Variants in IGF2BP2 observed in about 807,000 individuals in gnomAD.
IGF2BP2 encodes the protein insulin like growth factor 2 mRNA binding protein 2.
IGF2BP2 carries 17 observed loss-of-function variants against 75.8 expected under a neutral mutation model. That is an observed-to-expected ratio of 0.22 (90% CI 0.15 to 0.34). IGF2BP2 has a LOEUF of 0.34. Ranked by LOEUF, IGF2BP2 falls within the 10% of genes least tolerant of loss-of-function variation. The probability of loss-of-function intolerance (pLI) is 1.00; values close to 1 mark genes in which losing one functional copy is unlikely to be tolerated. For missense variants in IGF2BP2, 516 were observed against 772.4 expected (o/e 0.67, Z 3.93); for synonymous variants, 288 against 295.6 (o/e 0.97, Z 0.26).
intron 2 of IGF2BP2, among the ~76,000 whole-genome samples, chr3:185,782,645 T>C (rs541008649): frequency 6.6e-6 from 1 of 152,288 alleles, no homozygotes; most frequent in East Asian, 1.9e-4. Flanking sequence ...TTTTATTCCA[T>C]CACTGGGAGC....
chr3:185,679,367 A>T (rs1402570205), intron 7 of IGF2BP2, among the ~76,000 whole-genome samples: 1 of 152,130 alleles, frequency 6.6e-6, no homozygotes, highest in Non-Finnish European at 1.5e-5. Context: ...TCAATTGCAT[A>T]AAAAACTCTA....
intron 2 of IGF2BP2, among the ~76,000 whole-genome samples, chr3:185,795,483 C>T (rs1737239914): frequency 6.6e-6 from 1 of 152,214 alleles, no homozygotes; most frequent in Non-Finnish European, 1.5e-5. Flanking sequence ...TTTGGGCACA[C>T]ACCTGGCAGT....
intron 2 of IGF2BP2, among the ~76,000 whole-genome samples, chr3:185,771,375 A>AG (rs11376810): frequency 1 from 151,479 of 151,484 alleles, 75,737 homozygotes; most frequent in Middle Eastern, 1. Flanking sequence ...TGGGAGGTGG[A>AG]GTTGCAGTGG....
chr3:185,690,982 G>T (rs6770227), intron 5 of IGF2BP2, among the ~76,000 whole-genome samples: 2 of 152,088 alleles, frequency 1.3e-5, no homozygotes, highest in Non-Finnish European at 2.9e-5. Context: ...ATATCATGTA[G>T]AGAGGTCCAC....
rs1203807297 is a variant in IGF2BP2, at chr3:185,692,765, A to T, written c.341-3T>A. The T allele has an allele frequency of 2.5e-6, 4 of 1,613,704 alleles. No individual in the cohort carries two copies. The highest frequency in any genetic ancestry group is 3.4e-6 in the Non-Finnish European group (4 of 1,179,832). ...GGCGGTTTCTGTGTCTGTGTTGACT[A>T]GGGAAAAGGCAAAAACTACACTGTC... On this transcript the variant is annotated splice_polypyrimidine_tract_variant and splice_region_variant and intron_variant, in intron 4 of 15. Transcript: ENST00000382199.
rs886172502 is a variant in IGF2BP2, at chr3:185,644,392, C to G, written c.*1139G>C. 1 of 152,218 alleles carries G rather than the reference C, an allele frequency of 6.6e-6. No homozygotes were observed. The highest frequency in any genetic ancestry group is 1.9e-4 in the East Asian group (1 of 5,184). The allele number at this position is 152,218 out of a possible 1,614,324, so 9.4% of individuals were successfully genotyped here. A position where few individuals can be genotyped will look rare whatever the true frequency, so the allele number is the denominator to read the frequency against. On this transcript the variant is annotated 3_prime_UTR_variant, in exon 16 of 16. Coordinates refer to ENST00000382199, the MANE Select transcript of IGF2BP2 (RefSeq NM_006548.6). ...CACCAAAATGCAAAAAGACAAAATA[C>G]ATTCTTTCATTGTGGAATTTTTTCT...
At chr3:185,785,876 T>C (rs1363898726) in intron 2 of IGF2BP2, among the ~76,000 whole-genome samples, 2 of 152,168 alleles carry the variant, frequency 1.3e-5, no homozygotes, top group African/African-American at 2.4e-5. Context: ...CTAGACTGAA[T>C]TGGTCATTAA....
chr3:185,796,631 AAAAGAG>A (rs1170771606), intron 2 of IGF2BP2, among the ~76,000 whole-genome samples: 1 of 141,822 alleles, frequency 7.1e-6, no homozygotes, highest in African/African-American at 2.7e-5. Flanking sequence ...AAAAAAAAAA[AAAAGAG>A]AGAGAGACTA....
intron 2 of IGF2BP2, among the ~76,000 whole-genome samples, chr3:185,728,072 T>C (rs1241192131): frequency 2.0e-5 from 3 of 152,208 alleles, no homozygotes; most frequent in African/African-American, 7.2e-5. Context: ...GAGGGGCACT[T>C]CCGTTACGTA....
At chr3:185,692,821 A>C in intron 4 of IGF2BP2, 59 bp from the exon 5 acceptor site, 1 of 1,477,628 alleles carries the variant, frequency 6.8e-7, no homozygotes. Flanking sequence ...CCTCTGGCTT[A>C]ATGTAAACAG....
chr3:185,719,574 C>T (rs895452456), intron 2 of IGF2BP2, among the ~76,000 whole-genome samples: 4 of 152,176 alleles, frequency 2.6e-5, no homozygotes, highest in Non-Finnish European at 4.4e-5. Flanking sequence ...TGGCTCACGC[C>T]CGTAATCCCA....
chr3:185,823,065 C>G (rs1030595140), intron 2 of IGF2BP2, 88 bp downstream of exon 2: 1 of 786,090 alleles, frequency 1.3e-6, no homozygotes, highest in African/African-American at 1.8e-5. Flanking sequence ...TAAAAACTAC[C>G]AAGAGCACGT....
intron 2 of IGF2BP2, among the ~76,000 whole-genome samples, chr3:185,760,619 G>A (rs1218524917): frequency 6.6e-6 from 1 of 152,074 alleles, no homozygotes; most frequent in South Asian, 2.1e-4. Context: ...TTGCCTTTCC[G>A]GACATTCTTA....
At chr3:185,820,707 C>T (rs1417321371) in intron 2 of IGF2BP2, among the ~76,000 whole-genome samples, 1 of 152,104 alleles carries the variant, frequency 6.6e-6, no homozygotes, top group Non-Finnish European at 1.5e-5. Flanking sequence ...TCCTCCCAAA[C>T]TATCATTAAC....
intron 10 of IGF2BP2, among the ~76,000 whole-genome samples, chr3:185,664,199 G>A (rs1024328643): frequency 4.6e-5 from 7 of 152,152 alleles, no homozygotes; most frequent in African/African-American, 1.4e-4. Context: ...CTAGGAACTC[G>A]TGAGCCAGCA....
At chr3:185,818,902 T>A (rs1327235601) in intron 2 of IGF2BP2, among the ~76,000 whole-genome samples, 1 of 152,116 alleles carries the variant, frequency 6.6e-6, no homozygotes, top group East Asian at 1.9e-4. Flanking sequence ...CCTCCACACA[T>A]TAAAAAAACA....
rs537084507 is a variant in IGF2BP2 at position 185,700,866 on chromosome 3, C to T, written c.240-2519G>A. Among the ~76,000 whole-genome samples, 13 of 152,038 alleles carry T rather than the reference C, an allele frequency of 8.6e-5. No homozygotes were observed. In the South Asian group the frequency reaches 2.5e-3, roughly 29 times the overall value. ...CAGCTGAATATAGAATATTATACAG[C>T]TCTTAAAAATGAAGTTGACAAGCAT... On this transcript the variant is annotated intron_variant, in intron 2 of 15. Transcript: ENST00000382199.
At position 185,647,221 on chromosome 3, in the gene IGF2BP2, A is replaced by G. The variant is rs905255223; in HGVS notation, c.1594-83T>C. ...GCTCAGGACGGAGTGAGGGGCCAAG[A>G]GGTGGAGCAGGGGAAGGAGGGGGGC... On this transcript the variant is annotated intron_variant, in intron 14 of 15. Coordinates refer to ENST00000382199, the MANE Select transcript of IGF2BP2 (RefSeq NM_006548.6). This position sits in a 1 kb window ranked among gnomAD's most constrained non-coding sequence, Gnocchi z 4.9. 104 of 953,568 alleles carry G rather than the reference A, an allele frequency of 1.1e-4. 1 individual carries two copies. The Admixed American group carries it at 1.7e-3, about 15-fold the overall frequency. The allele number at this position is 953,568 out of a possible 1,614,324, so 59.1% of individuals were successfully genotyped here.
intron 7 of IGF2BP2, among the ~76,000 whole-genome samples, chr3:185,678,246 T>G (rs1223774912): frequency 6.6e-6 from 1 of 152,230 alleles, no homozygotes; most frequent in African/African-American, 2.4e-5. Context: ...TCCGTAACAC[T>G]ATCTGCAGAT....
Sources: gnomAD v4.1 joint callset for allele counts (sites outside exome capture counted in the v4.1 genomes callset) on GRCh38, gnomAD v4.1.1 for gene constraint, Gnocchi (gnomAD v3.1) non-coding constraint, MANE v1.5 for transcripts, NCBI Gene and HGNC (gene_info 2026-07-23, HGNC 2026-07-21) for gene names.